Variants in DGKH observed in about 807,000 individuals in gnomAD.
The protein encoded by DGKH is diacylglycerol kinase eta, also known as DAG kinase eta.
A neutral mutation model predicts 159.3 loss-of-function variants in DGKH; 90 were observed. That is an observed-to-expected ratio of 0.57 (90% CI 0.48 to 0.67). DGKH has a LOEUF of 0.67. Ranked by LOEUF, DGKH falls within the 30% of genes least tolerant of loss-of-function variation. The probability of loss-of-function intolerance (pLI) is 0.00; values close to 1 mark genes in which losing one functional copy is unlikely to be tolerated. For synonymous variants in DGKH, 536 were observed against 553.8 expected, an observed-to-expected ratio of 0.97 and a Z score of 0.45; for missense variants, 1,181 against 1,506.1, an observed-to-expected ratio of 0.78 and a Z score of 3.57.
intron 13 of DGKH, among the ~76,000 whole-genome samples, chr13:42,183,571 G>A (rs1956831916): frequency 6.6e-6 from 1 of 152,106 alleles, no homozygotes; most frequent in Admixed American, 6.6e-5. Flanking sequence ...TTTATTTCAT[G>A]CAATAATAAT....
At chr13:42,214,689 G>A (rs906161363) in intron 25 of DGKH, 77 bp downstream of exon 25, 3 of 1,367,492 alleles carry the variant, frequency 2.2e-6, no homozygotes, top group Non-Finnish European at 2.0e-6. Flanking sequence ...TGTAAAATAT[G>A]CCACGCCCTG....
chr13:42,198,638 G>GTTTTTTTTTTT, intron 18 of DGKH, 43 bp downstream of exon 18: 1 of 1,168,394 alleles, frequency 8.6e-7, no homozygotes, highest in Non-Finnish European at 1.2e-6. Context: ...GGTTTTTCTT[G>GTTTTTTTTTTT]TTTTTTTTTT....
chr13:42,173,625 T>G (rs1956520486), intron 11 of DGKH, among the ~76,000 whole-genome samples: 1 of 152,216 alleles, frequency 6.6e-6, no homozygotes, highest in South Asian at 2.1e-4. Context: ...TAAGACATTG[T>G]TTTAAAACTT....
intron 3 of DGKH, among the ~76,000 whole-genome samples, chr13:42,142,130 C>T (rs1454702436): frequency 6.6e-6 from 1 of 151,966 alleles, no homozygotes; most frequent in Non-Finnish European, 1.5e-5. Flanking sequence ...CCAGTTTTCC[C>T]AGCACCATTT....
intron 1 of DGKH, among the ~76,000 whole-genome samples, chr13:42,106,726 C>T (rs1187516031): frequency 1.3e-5 from 2 of 152,074 alleles, no homozygotes. Flanking sequence ...ATACAGATTT[C>T]AGAATTCATA....
chr13:42,053,351 A>AT (rs2137646535), intron 1 of DGKH, among the ~76,000 whole-genome samples: 1 of 148,270 alleles, frequency 6.7e-6, no homozygotes, highest in East Asian at 2.0e-4. Flanking sequence ...ACTACTACTA[A>AT]TTATATATAT....
At chr13:42,217,865 C>T (rs1037876251) in intron 26 of DGKH, among the ~76,000 whole-genome samples, 1 of 152,094 alleles carries the variant, frequency 6.6e-6, no homozygotes, top group African/African-American at 2.4e-5. Context: ...GAAACCCCAT[C>T]TCTACTAAAA....
At chr13:42,110,767 T>C (rs905517967) in intron 1 of DGKH, among the ~76,000 whole-genome samples, 2 of 152,246 alleles carry the variant, frequency 1.3e-5, no homozygotes, top group East Asian at 1.9e-4. Context: ...CTTGTGGTAA[T>C]GCATGGTAGT....
At chr13:42,216,449 T>A (rs1957796726) in intron 26 of DGKH, among the ~76,000 whole-genome samples, 1 of 152,202 alleles carries the variant, frequency 6.6e-6, no homozygotes, top group Non-Finnish European at 1.5e-5. Context: ...CTTTTGAAAG[T>A]AATTTTCTCA....
At chr13:42,151,578 T>TAC (rs60281789) in intron 3 of DGKH, among the ~76,000 whole-genome samples, 6,257 of 93,632 alleles carry the variant, frequency 0.067, 160 homozygotes, top group East Asian at 0.099. Context: ...CTTATATGTA[T>TAC]ACACACACAC....
At chr13:42,165,692 A>T (rs1956294580) in intron 8 of DGKH, among the ~76,000 whole-genome samples, 1 of 152,162 alleles carries the variant, frequency 6.6e-6, no homozygotes, top group Non-Finnish European at 1.5e-5. Flanking sequence ...ATAAAACAAG[A>T]TCATTACTCT....
chr13:42,155,912 G>A, intron 5 of DGKH, 113 bp downstream of exon 5: 2 of 1,220,028 alleles, frequency 1.6e-6, no homozygotes, highest in Non-Finnish European at 2.2e-6. Context: ...GACTAGCTTG[G>A]AAAATATTTT....
intron 12 of DGKH, among the ~76,000 whole-genome samples, chr13:42,177,168 C>T (rs1956625393): frequency 6.6e-6 from 1 of 152,100 alleles, no homozygotes; most frequent in Non-Finnish European, 1.5e-5. Flanking sequence ...ATCCCATAAG[C>T]CCCCTCATGC....
chr13:42,217,316 T>G (rs1459698079), intron 26 of DGKH, among the ~76,000 whole-genome samples: 1 of 152,196 alleles, frequency 6.6e-6, no homozygotes, highest in African/African-American at 2.4e-5. Flanking sequence ...CTCTGCTCAC[T>G]GCAACCTCAG....
intron 1 of DGKH, among the ~76,000 whole-genome samples, chr13:42,052,125 G>T (rs1881369372): frequency 6.6e-6 from 1 of 152,170 alleles, no homozygotes; most frequent in Admixed American, 6.5e-5. Context: ...TTAGGACAAT[G>T]CACTAATCTC....
upstream of DGKH, chr13:42,043,752 A>G (rs989242043): frequency 6.6e-6 from 1 of 152,248 alleles, no homozygotes; most frequent in Non-Finnish European, 1.5e-5. Context: ...ATTCTGTTCA[A>G]TAATGAACAG....
At chr13:42,081,845 C>G (rs150717094) in intron 1 of DGKH, among the ~76,000 whole-genome samples, 11 of 152,226 alleles carry the variant, frequency 7.2e-5, no homozygotes, top group Middle Eastern at 6.8e-3. Context: ...ATTTAGAAAC[C>G]AAGATCTGAG....
chr13:42,221,442 G>T, intron 29 of DGKH, 48 bp downstream of exon 29: 2 of 1,605,390 alleles, frequency 1.2e-6, no homozygotes, highest in South Asian at 1.1e-5. Flanking sequence ...TTGCAAAACA[G>T]AATCCTTTCT....
chr13:42,041,185 C>A (rs1265903185), intron 1 of DGKH, among the ~76,000 whole-genome samples: 1 of 152,186 alleles, frequency 6.6e-6, no homozygotes, highest in Non-Finnish European at 1.5e-5. Flanking sequence ...GGACCGTTTC[C>A]CGGCTTCACC....
Sources: gnomAD v4.1 joint callset for allele counts (sites outside exome capture counted in the v4.1 genomes callset) on GRCh38, gnomAD v4.1.1 for gene constraint, MANE v1.5 for transcripts, NCBI Gene and HGNC (gene_info 2026-07-23, HGNC 2026-07-21) for gene names.